GALNT16: variants seen among roughly 807,000 people sequenced by gnomAD.
GALNT16 encodes UDP-GalNAc:polypeptide N-acetylgalactosaminyltransferase-like protein 1.
In GALNT16, 40 loss-of-function variants were observed where a neutral mutation model predicts 76.1. The ratio of observed to expected loss-of-function variants is 0.53; its 90% CI spans 0.41 to 0.68. GALNT16 has a LOEUF of 0.68. GALNT16 is among the 30% of genes least tolerant of loss of function. The pLI is 0.00. For missense variants in GALNT16, 621 were observed against 731.9 expected (o/e 0.85, Z 1.75); for synonymous variants, 276 against 285.2 (o/e 0.97, Z 0.32).
chr14:69,310,855 C>T (rs551380124), intron 1 of GALNT16, among the ~76,000 whole-genome samples: 23 of 152,066 alleles, frequency 1.5e-4, no homozygotes, highest in Non-Finnish European at 2.6e-4. Context: ...GTTGAGGCTG[C>T]GGTGAGCTGT....
chr14:69,322,925 G>GGGGT (rs797021875), intron 2 of GALNT16, among the ~76,000 whole-genome samples: 14 of 103,856 alleles, frequency 1.3e-4, no homozygotes, highest in African/African-American at 4.3e-4. Context: ...TGGCTCACGG[G>GGGGT]GTGTGTGTGT....
chr14:69,298,053 G>A lies in GALNT16; in HGVS notation c.178-22658G>A, dbSNP rs146060875. ...GTAGCAACTGAAAAAACTAAGGTTT[G>A]AACACTCATCTATGCAACTTCAAAA... On this transcript the variant is annotated intron_variant, in intron 1 of 14. Coordinates refer to ENST00000448469, the MANE Select transcript of GALNT16 (RefSeq NM_001168368.2). 2.0e-4 allele frequency among the ~76,000 whole-genome samples: 31 copies of A among 152,320 alleles called. No individual in the cohort carries two copies. In the East Asian group the frequency reaches 5.8e-3, roughly 28 times the overall value.
rs759221226 is a variant in GALNT16 at position 69,320,873 on chromosome 14, G to A, written c.335+5G>A. On this transcript the variant is annotated splice_donor_5th_base_variant and intron_variant, in intron 2 of 14. Transcript: ENST00000448469. Reference sequence around the variant, plus strand: ...CCGGGACACCCGCCATTACAGGTACGGCCTCCATCGTGTCAGTGGAGGAAG... The same window carrying A: ...CCGGGACACCCGCCATTACAGGTACAGCCTCCATCGTGTCAGTGGAGGAAG... 18 of 1,612,482 alleles carry A rather than the reference G, an allele frequency of 1.1e-5. No homozygotes were observed. Among genetic ancestry groups the A allele is most frequent in the African/African-American group, 6.7e-5 (5 of 74,866 alleles).
the GALNT16 span, among the ~76,000 whole-genome samples, chr14:69,370,393 A>G: frequency 6.6e-6 from 1 of 152,104 alleles, no homozygotes; most frequent in Non-Finnish European, 1.5e-5. Flanking sequence ...ATCCAGGTGG[A>G]GTGGAGCAGT....
chr14:69,380,674 T>C, the GALNT16 span: 2 of 1,273,194 alleles, frequency 1.6e-6, no homozygotes, highest in East Asian at 4.7e-5. Flanking sequence ...AAAGTCACAG[T>C]GGTCAATCAC....
intron 1 of GALNT16, among the ~76,000 whole-genome samples, chr14:69,271,255 A>C (rs1282308255): frequency 6.6e-6 from 1 of 152,044 alleles, no homozygotes; most frequent in Non-Finnish European, 1.5e-5. Context: ...CCTGAACCAC[A>C]CCGGGGCCGG....
intron 12 of GALNT16, among the ~76,000 whole-genome samples, chr14:69,345,703 A>AGAGTGTGTGTGTGTGTGTGT (rs1555402035): frequency 7.4e-6 from 1 of 135,006 alleles, no homozygotes; most frequent in Non-Finnish European, 1.6e-5. Context: ...ATAAGGTGTC[A>AGAGTGTGTGTGTGTGTGTGT]GTGTGTGTGT....
chr14:69,265,477 GA>G (rs1451163022), intron 1 of GALNT16, among the ~76,000 whole-genome samples: 3 of 152,198 alleles, frequency 2.0e-5, no homozygotes, highest in Non-Finnish European at 4.4e-5. Context: ...GTAGAGGTAG[GA>G]GGACACTGGT....
intron 13 of GALNT16, among the ~76,000 whole-genome samples, chr14:69,347,489 C>T (rs779990700): frequency 5.3e-5 from 8 of 152,146 alleles, no homozygotes; most frequent in Non-Finnish European, 8.8e-5. Flanking sequence ...GACTCCTGTG[C>T]GCACATGGGT....
chr14:69,301,403 G>A (rs758305847), intron 1 of GALNT16, among the ~76,000 whole-genome samples: 3 of 152,042 alleles, frequency 2.0e-5, no homozygotes, highest in Non-Finnish European at 4.4e-5. Context: ...GCCCAGGCTG[G>A]ACTGCAGTGG....
chr14:69,297,618 T>G (rs2044785965), intron 1 of GALNT16, among the ~76,000 whole-genome samples: 1 of 112,166 alleles, frequency 8.9e-6, no homozygotes. Flanking sequence ...TAGTATTATG[T>G]ATTTGGAAAA....
the GALNT16 span, among the ~76,000 whole-genome samples, chr14:69,381,776 C>G: frequency 6.6e-6 from 1 of 152,280 alleles, no homozygotes; most frequent in African/African-American, 2.4e-5. Flanking sequence ...GCAACCTCTG[C>G]CACCTGGGTT....
At chr14:69,279,248 A>G (rs2044510088) in intron 1 of GALNT16, among the ~76,000 whole-genome samples, 3 of 152,192 alleles carry the variant, frequency 2.0e-5, no homozygotes, top group Non-Finnish European at 4.4e-5. Flanking sequence ...CTTAAATTTT[A>G]ATATTTTGTT....
intron 3 of GALNT16, 23 bp downstream of exon 3, chr14:69,324,813 C>T: frequency 7.4e-6 from 11 of 1,481,608 alleles, no homozygotes; most frequent in Non-Finnish European, 1.0e-5. Flanking sequence ...ATGGGACTCT[C>T]ATCTCAGTGG....
chr14:69,366,426 G>A, the GALNT16 span, among the ~76,000 whole-genome samples: 1 of 152,196 alleles, frequency 6.6e-6, no homozygotes. Context: ...TGCCTGAGGG[G>A]CTCCTTCTCA....
intron 1 of GALNT16, among the ~76,000 whole-genome samples, chr14:69,300,452 C>G (rs373344928): frequency 6.6e-6 from 1 of 152,186 alleles, no homozygotes; most frequent in African/African-American, 2.4e-5. Flanking sequence ...CTCTAAGAGC[C>G]GTTACCCTCT....
At chr14:69,346,682 T>C (rs2045568630) in intron 12 of GALNT16, among the ~76,000 whole-genome samples, 2 of 152,190 alleles carry the variant, frequency 1.3e-5, no homozygotes, top group Admixed American at 6.5e-5. Flanking sequence ...ATTTTGGGAT[T>C]GATTATTGAG....
chr14:69,325,731 T>C (rs1364852762), intron 4 of GALNT16, among the ~76,000 whole-genome samples: 1 of 152,224 alleles, frequency 6.6e-6, no homozygotes, highest in East Asian at 1.9e-4. Context: ...GCGTGCTTTC[T>C]AGTGCTCCCT....
the GALNT16 span, among the ~76,000 whole-genome samples, chr14:69,374,864 A>G: frequency 6.6e-6 from 1 of 152,210 alleles, no homozygotes; most frequent in Non-Finnish European, 1.5e-5. Context: ...GAAAGCAAGA[A>G]AGAGAGCAAG....
Sources: allele counts gnomAD v4.1 joint callset (sites outside exome capture counted in the v4.1 genomes callset), GRCh38; gene constraint gnomAD v4.1.1; transcripts MANE v1.5; gene names NCBI Gene and HGNC (gene_info 2026-07-23, HGNC 2026-07-21).